The following NBEA variants were observed in gnomAD, a reference collection of about 807,000 sequenced individuals.
NBEA encodes the protein neurobeachin, also known as lysosomal-trafficking regulator 2.
NBEA carries 44 observed loss-of-function variants against 343.4 expected under a neutral mutation model. The observed-to-expected ratio is 0.13, with a 90% CI of 0.10 to 0.16. The LOEUF is 0.16. Among genes scored for constraint, NBEA ranks in the 10% least tolerant of loss-of-function variants. NBEA has a pLI of 1.00. For missense variants in NBEA, 2,555 were observed against 3,631.3 expected, an observed-to-expected ratio of 0.70 and a Z score of 7.62; for synonymous variants, 1,175 against 1,238.7, an observed-to-expected ratio of 0.95 and a Z score of 1.08.
intron 35 of NBEA, among the ~76,000 whole-genome samples, chr13:35,308,879 T>C (rs2037171701): frequency 6.6e-6 from 1 of 151,456 alleles, no homozygotes; most frequent in Non-Finnish European, 1.5e-5. Context: ...TGATGAGCCT[T>C]ACCTTGAGAA....
chr13:35,425,906 C>G (rs1238724223), intron 38 of NBEA, among the ~76,000 whole-genome samples: 1 of 152,126 alleles, frequency 6.6e-6, no homozygotes, highest in Non-Finnish European at 1.5e-5. Context: ...ATGTAATGGC[C>G]TTCTTTGTCT....
At chr13:35,654,075 G>T (rs1458974451) in intron 53 of NBEA, among the ~76,000 whole-genome samples, 1 of 152,192 alleles carries the variant, frequency 6.6e-6, no homozygotes, top group East Asian at 1.9e-4. Flanking sequence ...CTGCATTTCT[G>T]TTTAAGAATT....
chr13:35,628,925 TAATA>T (rs1288155987), intron 49 of NBEA, among the ~76,000 whole-genome samples: 7 of 151,932 alleles, frequency 4.6e-5, no homozygotes, highest in Non-Finnish European at 2.9e-5. Flanking sequence ...CTCAAAAAAA[TAATA>T]AATATAAATA....
intron 4 of NBEA, 74 bp downstream of exon 4, chr13:35,045,475 A>G: frequency 8.4e-7 from 1 of 1,192,958 alleles, no homozygotes. Flanking sequence ...TAACTTACAT[A>G]TAATAAAATT....
At chr13:35,037,550 G>A (rs1235344540) in intron 1 of NBEA, among the ~76,000 whole-genome samples, 1 of 152,084 alleles carries the variant, frequency 6.6e-6, no homozygotes, top group Non-Finnish European at 1.5e-5. Context: ...TCTTGGGAAG[G>A]CTTTCCAGTG....
rs143432897 is a variant in NBEA, at chr13:35,533,977, A to G, written c.6586-16500A>G. On this transcript the variant is annotated intron_variant, in intron 41 of 58. Transcript: ENST00000379939. ...TGGAGAGCAAAGTTTTAATAACACT[A>G]GATATTTTAATTTATATTTTATTCA... 3.7e-3 allele frequency among the ~76,000 whole-genome samples: 556 copies of G among 152,274 alleles called. 3 individuals carry two copies. The highest frequency in any genetic ancestry group is 0.012 in the African/African-American group (506 of 41,552).
chr13:35,383,235 A>G (rs2042092984), intron 38 of NBEA, among the ~76,000 whole-genome samples: 1 of 152,200 alleles, frequency 6.6e-6, no homozygotes, highest in Non-Finnish European at 1.5e-5. Context: ...GAGGGAGGTT[A>G]GATGACTTGG....
chr13:35,137,246 C>A (rs1175524436), intron 17 of NBEA, among the ~76,000 whole-genome samples: 2 of 152,062 alleles, frequency 1.3e-5, no homozygotes, highest in African/African-American at 4.8e-5. Flanking sequence ...GTCAGGAGAT[C>A]GAGACCATCC....
At chr13:35,090,782 C>T (rs1055509112) in intron 10 of NBEA, among the ~76,000 whole-genome samples, 1 of 151,852 alleles carries the variant, frequency 6.6e-6, no homozygotes, top group African/African-American at 2.4e-5. Flanking sequence ...CCTGTTTCTC[C>T]TACTCAATGC....
At chr13:35,038,770 C>T (rs1326922940) in intron 1 of NBEA, among the ~76,000 whole-genome samples, 2 of 152,126 alleles carry the variant, frequency 1.3e-5, no homozygotes, top group Non-Finnish European at 2.9e-5. Flanking sequence ...CTTCCCTCTC[C>T]TCTTCTCAAG....
chr13:35,441,091 G>A (rs915498443), intron 39 of NBEA, among the ~76,000 whole-genome samples: 1 of 152,104 alleles, frequency 6.6e-6, no homozygotes, highest in Middle Eastern at 3.2e-3. Context: ...TAATTAAAGA[G>A]ACTTTTAAAA....
chr13:35,000,589 AT>A (rs2061095748), intron 1 of NBEA, among the ~76,000 whole-genome samples: 1 of 55,158 alleles, frequency 1.8e-5, no homozygotes, highest in Non-Finnish European at 3.7e-5. Flanking sequence ...TTTATAATAT[AT>A]ATAACACACA....
Position 35,555,033 on chromosome 13 carries a change from A to G in NBEA, c.6853A>G (p.Met2285Val), listed in dbSNP as rs79509931. 3.1e-6 allele frequency: 5 copies of G among 1,612,460 alleles called. No individual in the cohort carries two copies. The highest frequency in any genetic ancestry group is 1.1e-5 in the South Asian group (1 of 90,954). The part of the protein sequence containing the change: ...TPRQLYKSSN[M>V]TQRWQRREIS... ...TCGACAGCTTTATAAATCTTCCAAT[A>G]TGACTCAGCGCTGGCAAAGAAGGGA... Residue 2285 changes from methionine (M) to valine (V), a missense_variant, in exon 44 of 59, where the codon ATG (methionine) becomes GTG (valine). By Grantham distance (21) the Met-to-Val change is conservative (BLOSUM62 1). This residue lies in a region of NBEA where 38 missense variants were observed against 97.2 expected (regional missense o/e 0.39). Transcript: ENST00000379939.
chr13:35,088,977 A>G (rs1395762037), intron 10 of NBEA, among the ~76,000 whole-genome samples: 3 of 130,834 alleles, frequency 2.3e-5, no homozygotes, highest in Non-Finnish European at 4.9e-5. Flanking sequence ...CCTAGGCATT[A>G]CCATTCAGGA....
intron 1 of NBEA, among the ~76,000 whole-genome samples, chr13:34,957,992 G>A (rs980587951): frequency 6.6e-6 from 1 of 151,868 alleles, no homozygotes; most frequent in African/African-American, 2.4e-5. Flanking sequence ...AGAATTGAGT[G>A]TTCTTTAAGT....
chr13:35,227,406 C>G (rs1363671729), intron 33 of NBEA, among the ~76,000 whole-genome samples: 1 of 152,038 alleles, frequency 6.6e-6, no homozygotes, highest in Non-Finnish European at 1.5e-5. Context: ...CATTAATACT[C>G]TCTTAATCTT....
intron 36 of NBEA, among the ~76,000 whole-genome samples, chr13:35,331,822 T>A (rs1386060674): frequency 1.3e-5 from 2 of 152,058 alleles, no homozygotes; most frequent in African/African-American, 4.8e-5. Context: ...CTGTTTCCTA[T>A]GGAAAATAAC....
chr13:35,649,959 C>A, intron 52 of NBEA, 112 bp downstream of exon 52: 1 of 1,068,446 alleles, frequency 9.4e-7, no homozygotes, highest in Non-Finnish European at 1.3e-6. Flanking sequence ...CTACAAAAAA[C>A]AGCAGACTAA....
chr13:35,665,903 C>T (rs2085328451), intron 56 of NBEA, among the ~76,000 whole-genome samples: 1 of 152,230 alleles, frequency 6.6e-6, no homozygotes, highest in Non-Finnish European at 1.5e-5. Flanking sequence ...GCTGGGATTA[C>T]AGGCGTGAGC....
Sources: gnomAD v4.1 joint callset for allele counts (sites outside exome capture counted in the v4.1 genomes callset) on GRCh38, gnomAD v4.1.1 for gene constraint, gnomAD v4.1.1 regional missense constraint, MANE v1.5 for transcripts, NCBI Gene and HGNC (gene_info 2026-07-23, HGNC 2026-07-21) for gene names.